Variants in PDGFRL observed in about 807,000 individuals in gnomAD.
PDGFRL encodes platelet-derived growth factor receptor-like protein.
PDGFRL carries 46 observed loss-of-function variants against 37.2 expected under a neutral mutation model. That is an observed-to-expected ratio of 1.24 (90% CI 0.98 to 1.58). PDGFRL has a LOEUF of 1.58. Among genes scored for constraint, PDGFRL ranks in the 40% most tolerant of loss-of-function variants. The pLI is 0.00. For synonymous variants in PDGFRL, 251 were observed against 184.3 expected (o/e 1.36, Z -2.93); for missense variants, 692 against 467.6 (o/e 1.48, Z -4.43).
intron 2 of PDGFRL, among the ~76,000 whole-genome samples, chr8:17,590,332 T>C (rs1236303918): frequency 1.3e-5 from 2 of 151,486 alleles, no homozygotes; most frequent in Admixed American, 1.3e-4. Context: ...ATGACAATTT[T>C]CTATGAAAAT....
At chr8:17,595,180 AC>A (rs1804025833) in intron 2 of PDGFRL, among the ~76,000 whole-genome samples, 1 of 152,202 alleles carries the variant, frequency 6.6e-6, no homozygotes, top group East Asian at 1.9e-4. Context: ...CCATTAAGGG[AC>A]TGCAGCCACC....
chr8:17,604,544 A>G (rs1318087935), intron 2 of PDGFRL, among the ~76,000 whole-genome samples: 1 of 151,938 alleles, frequency 6.6e-6, no homozygotes, highest in African/African-American at 2.4e-5. Flanking sequence ...ACGAGAATGC[A>G]TGGACACAGG....
chr8:17,642,630 G>A lies in PDGFRL; in HGVS notation c.957G>A (p.Thr319=), dbSNP rs201682806. 41 of 1,607,800 alleles carry A rather than the reference G, an allele frequency of 2.6e-5. No individual in the cohort carries two copies. The highest frequency in any genetic ancestry group is 1.7e-4 in the Middle Eastern group (1 of 6,046). The change falls in exon 6 of 6, where the codon ACG becomes ACA. Residue 319 remains threonine, a synonymous_variant. Coordinates refer to ENST00000251630, the MANE Select transcript of PDGFRL (RefSeq NM_001372073.1). The part of the protein sequence containing the change: ...FPGQKDERPV[T]IQDTWRLIHR... ...TTAAACAGGATGAAAGGCCTGTGAC[G>A]ATCCAAGACACTTGGAGGTTGATCC...
At chr8:17,586,928 C>A (rs551160869) in intron 1 of PDGFRL, among the ~76,000 whole-genome samples, 1 of 152,156 alleles carries the variant, frequency 6.6e-6, no homozygotes, top group African/African-American at 2.4e-5. Flanking sequence ...ATAAATTATA[C>A]GATGCAATAG....
chr8:17,605,895 A>G (rs1804266053), intron 2 of PDGFRL, among the ~76,000 whole-genome samples: 2 of 152,170 alleles, frequency 1.3e-5, no homozygotes, highest in Admixed American at 6.5e-5. Context: ...AATAGCTTTT[A>G]GAGAGAAGGG....
chr8:17,634,523 G>C (rs1804930693), intron 5 of PDGFRL, among the ~76,000 whole-genome samples: 1 of 151,660 alleles, frequency 6.6e-6, no homozygotes, highest in Non-Finnish European at 1.5e-5. Context: ...GGACAGTAAT[G>C]CTCATTGCAG....
Position 17,589,640 on chromosome 8 carries a change from C to T in PDGFRL, c.228C>T (p.Arg76=). Residue 76 remains arginine, a synonymous_variant, in exon 2 of 6, where the codon CGC becomes CGT. Transcript: ENST00000251630. ...SIMMQVLDKG[R]FQKPAATLSL... Reference sequence around the variant, plus strand: ...TGATGCAAGTGCTGGATAAAGGTCGCTTCCAGAAACCCGCCGCTACCCTGA... The same window carrying T: ...TGATGCAAGTGCTGGATAAAGGTCGTTTCCAGAAACCCGCCGCTACCCTGA... 6.2e-7 allele frequency: 1 copy of T among 1,613,908 alleles called. No individual in the cohort carries two copies.
At chr8:17,635,151 A>C (rs1264740507) in intron 5 of PDGFRL, among the ~76,000 whole-genome samples, 2 of 151,858 alleles carry the variant, frequency 1.3e-5, no homozygotes, top group Non-Finnish European at 2.9e-5. Context: ...GTCATTTTTG[A>C]TTTCAATCGG....
At chr8:17,640,677 G>A (rs1031942765) in intron 5 of PDGFRL, among the ~76,000 whole-genome samples, 57 of 152,160 alleles carry the variant, frequency 3.7e-4, no homozygotes, top group African/African-American at 1.4e-3. Flanking sequence ...GGAGGTGGCA[G>A]GGGAGTGAAA....
At chr8:17,596,164 G>C (rs1804047851) in intron 2 of PDGFRL, 1 of 400,070 alleles carries the variant, frequency 2.5e-6, no homozygotes, top group South Asian at 1.3e-4. Flanking sequence ...TGTGAGAAGT[G>C]GCCGGAGGCA....
chr8:17,614,989 C>A (rs1263444466), intron 2 of PDGFRL, among the ~76,000 whole-genome samples: 1 of 152,148 alleles, frequency 6.6e-6, no homozygotes, highest in Non-Finnish European at 1.5e-5. Flanking sequence ...TCTCTCAGGG[C>A]TTCATGAGGA....
chr8:17,579,255 T>C (rs1803655433), intron 1 of PDGFRL, among the ~76,000 whole-genome samples: 1 of 152,174 alleles, frequency 6.6e-6, no homozygotes, highest in Non-Finnish European at 1.5e-5. Context: ...TATTTATGGA[T>C]ACAATAGTGA....
chr8:17,584,747 C>T (rs1396010607), intron 1 of PDGFRL, among the ~76,000 whole-genome samples: 1 of 146,504 alleles, frequency 6.8e-6, no homozygotes, highest in Non-Finnish European at 1.5e-5. Flanking sequence ...ATACTTTAAA[C>T]AGTGGTAGTG....
At chr8:17,584,250 A>G (rs1000950343) in intron 1 of PDGFRL, among the ~76,000 whole-genome samples, 9 of 152,168 alleles carry the variant, frequency 5.9e-5, no homozygotes, top group African/African-American at 2.2e-4. Context: ...GAGCATCAGG[A>G]AGGAGCATGT....
chr8:17,578,456 C>T (rs994902129), intron 1 of PDGFRL, among the ~76,000 whole-genome samples: 1 of 152,180 alleles, frequency 6.6e-6, no homozygotes, highest in Non-Finnish European at 1.5e-5. Flanking sequence ...CTTAATAAAA[C>T]GTAGGCAGAG....
intron 5 of PDGFRL, among the ~76,000 whole-genome samples, chr8:17,634,936 C>T (rs1399168447): frequency 1.3e-5 from 2 of 151,812 alleles, no homozygotes; most frequent in Admixed American, 6.6e-5. Context: ...ACCTATATAA[C>T]AGACTTGCAC....
At chr8:17,631,953 G>A (rs1194755093) in intron 4 of PDGFRL, among the ~76,000 whole-genome samples, 2 of 152,206 alleles carry the variant, frequency 1.3e-5, no homozygotes, top group East Asian at 1.9e-4. Context: ...AACGGAAGTG[G>A]CCGGATCTAG....
chr8:17,620,521 T>A (rs1322628842), intron 2 of PDGFRL, among the ~76,000 whole-genome samples: 1 of 152,228 alleles, frequency 6.6e-6, no homozygotes, highest in East Asian at 1.9e-4. Flanking sequence ...TGACAACCGA[T>A]GTACCAATAT....
At chr8:17,598,638 G>C (rs975904097) in intron 2 of PDGFRL, among the ~76,000 whole-genome samples, 1 of 152,160 alleles carries the variant, frequency 6.6e-6, no homozygotes, top group Non-Finnish European at 1.5e-5. Context: ...CATATCTATG[G>C]TGCTGTGTCA....
Sources: allele counts gnomAD v4.1 joint callset (sites outside exome capture counted in the v4.1 genomes callset), GRCh38; gene constraint gnomAD v4.1.1; transcripts MANE v1.5; gene names NCBI Gene and HGNC (gene_info 2026-07-23, HGNC 2026-07-21).